The following ATAD3C variants were observed in gnomAD, a reference collection of about 807,000 sequenced individuals.
ATAD3C encodes the protein ATPase family AAA domain-containing protein 3C.
ATAD3C carries 38 observed loss-of-function variants against 46.3 expected under a neutral mutation model. The ratio of observed to expected loss-of-function variants is 0.82; its 90% CI spans 0.63 to 1.08. The LOEUF (loss-of-function observed/expected upper bound fraction) is 1.08, where lower values mean the gene tolerates loss of function less well. Among genes scored for constraint, ATAD3C ranks in the 50% least tolerant of loss-of-function variants. ATAD3C has a pLI of 0.00. For synonymous variants in ATAD3C, 220 were observed against 236.4 expected (o/e 0.93, Z 0.63); for missense variants, 563 against 572.7 (o/e 0.98, Z 0.17).
rs528152744 is a variant in ATAD3C at position 1,468,834 on chromosome 1, G to A, written c.*304G>A. Reference sequence around the variant, plus strand: ...TGCCCCATCCTGAGGCCGTGCATACGCGGGTGCCCCTTCGCCTCCCTCCCC... The same window carrying A: ...TGCCCCATCCTGAGGCCGTGCATACACGGGTGCCCCTTCGCCTCCCTCCCC... On this transcript the variant is annotated 3_prime_UTR_variant, in exon 12 of 12. Coordinates refer to ENST00000378785, the MANE Select transcript of ATAD3C (RefSeq NM_001039211.3). 70 of 397,090 alleles carry A rather than the reference G, an allele frequency of 1.8e-4. 1 individual carries two copies. In the Admixed American group the frequency reaches 2.0e-3, roughly 11 times the overall value. 24.6% of individuals were successfully genotyped at this position (397,090 alleles called of 1,614,324 possible).
chr1:1,462,501 T>C lies in ATAD3C; in HGVS notation c.981-99T>C. On this transcript the variant is annotated intron_variant, in intron 10 of 11. Transcript: ENST00000378785. This position sits in a 1 kb window ranked among gnomAD's most constrained non-coding sequence, Gnocchi z 4.5. The stretch of plus-strand genomic sequence containing the variant: ...GTAGAGAGTCCCTCTCAAGGGGGCA[T>C]CTGGCATGGGTGTCCGCCTGGCTGC... 1.6e-6 allele frequency: 2 copies of C among 1,243,750 alleles called. No individual in the cohort carries two copies. The highest frequency in any genetic ancestry group is 1.3e-5 in the South Asian group (1 of 77,664). 77.0% of individuals were successfully genotyped at this position (1,243,750 alleles called of 1,614,324 possible).
intron 11 of ATAD3C, among the ~76,000 whole-genome samples, chr1:1,465,033 G>A (rs1256677402): frequency 4.6e-5 from 7 of 151,094 alleles, no homozygotes; most frequent in African/African-American, 1.5e-4. Flanking sequence ...TTACAGGCAC[G>A]CGCCAACATG....
At chr1:1,451,620 A>G (rs1486666103) in intron 1 of ATAD3C, among the ~76,000 whole-genome samples, 1 of 152,120 alleles carries the variant, frequency 6.6e-6, no homozygotes, top group Admixed American at 6.6e-5. Context: ...TGCTGGGATT[A>G]CAGGTGTGAG....
chr1:1,455,929 A>C lies in ATAD3C; in HGVS notation c.564+13A>C, dbSNP rs2250668. The C allele has an allele frequency of 1.9e-6, 3 of 1,612,540 alleles. No homozygotes were observed. The highest frequency in any genetic ancestry group is 2.2e-5 in the East Asian group (1 of 44,818). ...GCTGTTTGCCAAGGTGAGAGTGCCT[A>C]GCTGAACAGGTGGGCCAGGGGCCGC... On this transcript the variant is annotated intron_variant, in intron 6 of 11. Coordinates refer to ENST00000378785, the MANE Select transcript of ATAD3C (RefSeq NM_001039211.3).
At chr1:1,454,078 C>A (rs1638908466) in intron 3 of ATAD3C, among the ~76,000 whole-genome samples, 1 of 152,210 alleles carries the variant, frequency 6.6e-6, no homozygotes, top group South Asian at 2.1e-4. Flanking sequence ...CCCAGGGCCC[C>A]GCTCAGCGAC....
In ATAD3C at chr1:1,459,400, C is replaced by T. The variant is rs566195692; in HGVS notation, c.812+169C>T. 2.6e-5 allele frequency among the ~76,000 whole-genome samples: 4 copies of T among 152,064 alleles called. No individual in the cohort carries two copies. The highest frequency in any genetic ancestry group is 5.9e-5 in the Non-Finnish European group (4 of 67,976). On this transcript the variant is annotated intron_variant, in intron 9 of 11. Transcript: ENST00000378785. This position sits in a 1 kb window ranked among gnomAD's most constrained non-coding sequence, Gnocchi z 4.9. ...GGGAACGGCCCAGCTCAGGACAGCA[C>T]GGGGTGTCACTGAGGAACATGCGGG...
In ATAD3C at chr1:1,455,832, A is replaced by G. The variant is rs769402350; in HGVS notation, c.480A>G (p.Thr160=). Residue 160 remains threonine (T), a synonymous_variant, in exon 6 of 12, where the codon ACA becomes ACG. Transcript: ENST00000378785. ...GGGTGCGCGACATCGCCATAATGAC[A>G]AGGAACATCAAGAAGAACCGGGGCC... ...EARVRDIAIM[T]RNIKKNRGLY... 7.1e-5 allele frequency: 114 copies of G among 1,613,368 alleles called. 2 individuals carry two copies. Among genetic ancestry groups the G allele is most frequent in the Non-Finnish European group, 9.2e-5 (108 of 1,179,706 alleles).
At position 1,452,147 on chromosome 1, in the gene ATAD3C, G is replaced by A. The variant is rs539058538; in HGVS notation, c.152+25G>A. ...GGTGAGCGCTGCCGAGGCCCGGGCCGGCCGCAGATGGAGCCCCCACAGGTG... is the reference window on the plus strand; with the variant it reads ...GGTGAGCGCTGCCGAGGCCCGGGCCAGCCGCAGATGGAGCCCCCACAGGTG... On this transcript the variant is annotated intron_variant, in intron 2 of 11. Coordinates refer to ENST00000378785, the MANE Select transcript of ATAD3C (RefSeq NM_001039211.3). The A allele has an allele frequency of 7.1e-5, 114 of 1,610,912 alleles. 1 individual carries two copies. In the South Asian group the frequency reaches 7.9e-4, roughly 11 times the overall value.
chr1:1,459,086 C>G lies in ATAD3C; in HGVS notation c.742-75C>G. ...GTCCCTGCTCCCTGCAGGAGGGAGG[C>G]CTGTGGGACTTTCTGCTGTGGCTGT... is the stretch of plus-strand genomic sequence containing the variant. On this transcript the variant is annotated intron_variant, in intron 8 of 11. Coordinates refer to ENST00000378785, the MANE Select transcript of ATAD3C (RefSeq NM_001039211.3). This position sits in a 1 kb window ranked among gnomAD's most constrained non-coding sequence, Gnocchi z 4.9. 1 of 1,563,342 alleles carries G rather than the reference C, an allele frequency of 6.4e-7. No homozygotes were observed. Among genetic ancestry groups the G allele is most frequent in the Non-Finnish European group, 8.7e-7 (1 of 1,154,866 alleles).
At position 1,467,561 on chromosome 1, in the gene ATAD3C, T is replaced by A. The variant is rs566273811; in HGVS notation, c.1090-823T>A. Among the ~76,000 whole-genome samples the A allele has an allele frequency of 2.0e-5, 3 of 152,114 alleles. No homozygotes were observed. In the South Asian group the frequency reaches 6.2e-4, roughly 32 times the overall value. On this transcript the variant is annotated intron_variant, in intron 11 of 11. Coordinates refer to ENST00000378785, the MANE Select transcript of ATAD3C (RefSeq NM_001039211.3). ...GTGACGGTGTTGTGGGAGGATGGTG[T>A]GCTGCTGCCCCTGCACCCCGTGAGA... is the stretch of plus-strand genomic sequence containing the variant.
rs780332542 is a variant in ATAD3C at position 1,452,139 on chromosome 1, C to A, written c.152+17C>A. On this transcript the variant is annotated intron_variant, in intron 2 of 11. Coordinates refer to ENST00000378785, the MANE Select transcript of ATAD3C (RefSeq NM_001039211.3). ...GTCCATCAGGTGAGCGCTGCCGAGG[C>A]CCGGGCCGGCCGCAGATGGAGCCCC... is the stretch of plus-strand genomic sequence containing the variant. 2 of 1,611,938 alleles carry A rather than the reference C, an allele frequency of 1.2e-6. No homozygotes were observed. The highest frequency in any genetic ancestry group is 1.7e-6 in the Non-Finnish European group (2 of 1,178,892).
In ATAD3C at chr1:1,469,450, T is replaced by A. The variant is rs1639204898; in HGVS notation, c.*920T>A. 1 of 132,054 alleles carries A rather than the reference T, an allele frequency of 7.6e-6. No homozygotes were observed. The highest frequency in any genetic ancestry group is 2.9e-5 in the African/African-American group (1 of 34,160). The allele number at this position is 132,054 out of a possible 1,614,324, so 8.2% of individuals were successfully genotyped here. The stretch of plus-strand genomic sequence containing the variant: ...CTGGATGATAGAGTGAGACTGTACC[T>A]CTAAATAACCAAAACCTTGATTACA... On this transcript the variant is annotated 3_prime_UTR_variant, in exon 12 of 12. Coordinates refer to ENST00000378785, the MANE Select transcript of ATAD3C (RefSeq NM_001039211.3).
intron 5 of ATAD3C, 133 bp from the exon 6 acceptor site, chr1:1,455,658 G>C: frequency 3.2e-6 from 5 of 1,560,106 alleles, no homozygotes; most frequent in Non-Finnish European, 4.4e-6. Context: ...CCGTGCCGGG[G>C]ATAGATAGGC....
chr1:1,455,349 G>A, intron 4 of ATAD3C, 111 bp from the exon 5 acceptor site: 1 of 1,473,332 alleles, frequency 6.8e-7, no homozygotes, highest in Non-Finnish European at 9.2e-7. Context: ...GCCGGTCCTG[G>A]CTGTGATTCG....
At position 1,465,677 on chromosome 1, in the gene ATAD3C, C is replaced by A. The variant is rs538452337; in HGVS notation, c.1090-2707C>A. ...TTGCTGTTGATTTTGTATCCTGTAA[C>A]TTTGCTGATGTCACAGGGTTGTTTT... On this transcript the variant is annotated intron_variant, in intron 11 of 11. Transcript: ENST00000378785. Among the ~76,000 whole-genome samples, 9 of 148,356 alleles carry A rather than the reference C, an allele frequency of 6.1e-5. 1 individual carries two copies. The highest frequency in any genetic ancestry group is 1.3e-4 in the Non-Finnish European group (9 of 67,288).
At position 1,456,270 on chromosome 1, in the gene ATAD3C, G is replaced by C; in HGVS notation, c.610G>C (p.Gly204Arg). Residue 204 changes from glycine (G) to arginine (R), a missense_variant, in exon 7 of 12, where the codon GGG becomes CGG. By Grantham distance (125) the Gly-to-Arg change is moderately radical. Coordinates refer to ENST00000378785, the MANE Select transcript of ATAD3C (RefSeq NM_001039211.3). ...CATGGACTACGCCATCATGACAGGC[G>C]GGGACGTGGCCCCCATGGGGCGGGA... is the stretch of plus-strand genomic sequence containing the variant. ...SGMDYAIMTGGDVAPMGREGV... is the reference protein window; with the variant it reads ...SGMDYAIMTGRDVAPMGREGV... 1 of 1,487,264 alleles carries C rather than the reference G, an allele frequency of 6.7e-7. No homozygotes were observed. Among genetic ancestry groups the C allele is most frequent in the Non-Finnish European group, 8.8e-7 (1 of 1,138,952 alleles). The allele number at this position is 1,487,264 out of a possible 1,614,324, so 92.1% of individuals were successfully genotyped here.
intron 7 of ATAD3C, among the ~76,000 whole-genome samples, chr1:1,456,618 T>TCTTCACAGCTGCAGGGGAGGCTC (rs1638964504): frequency 2.0e-5 from 3 of 150,678 alleles, no homozygotes; most frequent in Admixed American, 1.3e-4. Flanking sequence ...GGGAGAGGGG[T>TCTTCACAGCTGCAGGGGAGGCTC]CTTCACAGCT....
rs575761530 is a variant in ATAD3C, at chr1:1,462,968, C to A, written c.1089+260C>A. On this transcript the variant is annotated intron_variant, in intron 11 of 11. Transcript: ENST00000378785. This position sits in a 1 kb window ranked among gnomAD's most constrained non-coding sequence, Gnocchi z 4.5. ...AAGCCAGTGCGGCCTCCTAGTAGCC[C>A]GGGCTCTGCCAGGTGGGGCGGGAGG... 1.3e-5 allele frequency among the ~76,000 whole-genome samples: 2 copies of A among 152,086 alleles called. No homozygotes were observed. The highest frequency in any genetic ancestry group is 2.9e-5 in the Non-Finnish European group (2 of 67,976).
chr1:1,452,206 C>T lies in ATAD3C; in HGVS notation c.152+84C>T, dbSNP rs555304907. The T allele has an allele frequency of 1.3e-5, 21 of 1,585,674 alleles. 1 individual carries two copies. The African/African-American group carries it at 1.3e-4, about 10-fold the overall frequency. ...TGGTCCCAGGGTGCTCTCCAGCTCT[C>T]CCAGGTCTGGCCGCTGTAGGCTGGC... On this transcript the variant is annotated intron_variant, in intron 2 of 11. Transcript: ENST00000378785.
Sources: gnomAD v4.1 joint callset for allele counts (sites outside exome capture counted in the v4.1 genomes callset) on GRCh38, gnomAD v4.1.1 for gene constraint, Gnocchi (gnomAD v3.1) non-coding constraint, MANE v1.5 for transcripts, NCBI Gene and HGNC (gene_info 2026-07-23, HGNC 2026-07-21) for gene names.